Variants in RNF216 observed in about 807,000 individuals in gnomAD.
RNF216 encodes the protein ring finger protein 216.
Under a neutral mutation model 110.8 loss-of-function variants are expected in RNF216, and 72 were observed. The ratio of observed to expected loss-of-function variants is 0.65; its 90% confidence interval spans 0.54 to 0.79. The LOEUF (loss-of-function observed/expected upper bound fraction) is 0.79. Ranked by LOEUF, RNF216 falls within the 30% of genes least tolerant of loss-of-function variation. The pLI is 0.00. For missense variants in RNF216, 1,342 were observed against 1,141.2 expected (o/e 1.18, Z -2.54); for synonymous variants, 495 against 407.5 (o/e 1.21, Z -2.59).
chr7:5,649,067 C>T (rs761324294), intron 14 of RNF216, among the ~76,000 whole-genome samples: 4 of 152,160 alleles, frequency 2.6e-5, no homozygotes, highest in Non-Finnish European at 5.9e-5. Flanking sequence ...CTTGAAAACA[C>T]TATAGCAGTT....
chr7:5,725,538 C>T lies in RNF216; in HGVS notation c.1390-100G>A, dbSNP rs886795191. ...GCCATTTTAACACAGTTTCAGCTGTCTACCCAGCATGGCTAACAATTGGTA... is the reference window on the plus strand; with the variant it reads ...GCCATTTTAACACAGTTTCAGCTGTTTACCCAGCATGGCTAACAATTGGTA... On this transcript the variant is annotated intron_variant, in intron 7 of 16. Coordinates refer to ENST00000389902, the MANE Select transcript of RNF216 (RefSeq NM_207111.4). The T allele has an allele frequency of 4.4e-5, 32 of 733,306 alleles. No homozygotes were observed. The African/African-American group carries it at 5.1e-4, about 12-fold the overall frequency. The allele number at this position is 733,306 out of a possible 1,614,324, so 45.4% of individuals were successfully genotyped here. A position where few individuals can be genotyped will look rare whatever the true frequency, so the allele number is the denominator to read the frequency against.
At chr7:5,767,602 AT>A (rs10709023) in intron 1 of RNF216, among the ~76,000 whole-genome samples, 73,241 of 143,620 alleles carry the variant, frequency 0.51, 18,594 homozygotes, top group Admixed American at 0.58. Flanking sequence ...GTTGAGAGGG[AT>A]TTTTTTTTTT....
chr7:5,697,719 T>C (rs1467830556), intron 13 of RNF216, among the ~76,000 whole-genome samples: 1 of 152,070 alleles, frequency 6.6e-6, no homozygotes, highest in East Asian at 1.9e-4. Context: ...CAATTTGAGG[T>C]GCTTAGGATG....
chr7:5,660,446 C>T (rs2128584609), intron 13 of RNF216, among the ~76,000 whole-genome samples: 1 of 151,402 alleles, frequency 6.6e-6, no homozygotes, highest in Middle Eastern at 3.4e-3. Flanking sequence ...CGCCCGCGAC[C>T]ACACCTGGCT....
intron 13 of RNF216, among the ~76,000 whole-genome samples, chr7:5,694,223 T>C (rs1791496693): frequency 6.6e-6 from 1 of 152,240 alleles, no homozygotes; most frequent in Non-Finnish European, 1.5e-5. Context: ...AATTTCTTTA[T>C]TTGCTGGAAC....
At chr7:5,753,395 AT>A (rs1438942315) in intron 2 of RNF216, among the ~76,000 whole-genome samples, 4 of 152,168 alleles carry the variant, frequency 2.6e-5, no homozygotes, top group Non-Finnish European at 4.4e-5. Context: ...TAAAATTTTA[AT>A]TGTTTAAAAT....
chr7:5,716,360 A>C (rs925132975), intron 10 of RNF216, among the ~76,000 whole-genome samples: 7 of 152,112 alleles, frequency 4.6e-5, no homozygotes, highest in Non-Finnish European at 1.5e-5. Flanking sequence ...AAATACAAAA[A>C]TTAGCTGGGC....
rs532360862 is a variant in RNF216, at chr7:5,768,694, C to T, written c.-69-7556G>A. Among the ~76,000 whole-genome samples, 27 of 147,020 alleles carry T rather than the reference C, an allele frequency of 1.8e-4. No individual in the cohort carries two copies. In the Admixed American group the frequency reaches 1.9e-3, roughly 10 times the overall value. ...TTTTTTTTTTTGGGACAGAGTCTTG[C>T]TCTGTCGCCCAGGCTGGAGTGCAGT... On this transcript the variant is annotated intron_variant, in intron 1 of 16. Transcript: ENST00000389902.
intron 1 of RNF216, among the ~76,000 whole-genome samples, chr7:5,774,210 G>A (rs1167953793): frequency 6.6e-6 from 1 of 152,188 alleles, no homozygotes; most frequent in Non-Finnish European, 1.5e-5. Flanking sequence ...TCAATCGGTG[G>A]CTCCAGATAA....
At chr7:5,701,210 G>T (rs992648425) in intron 13 of RNF216, among the ~76,000 whole-genome samples, 1 of 152,156 alleles carries the variant, frequency 6.6e-6, no homozygotes, top group African/African-American at 2.4e-5. Context: ...CTTATAGAAT[G>T]TATCAGTTAG....
At chr7:5,727,397 C>A (rs924123476) in intron 7 of RNF216, among the ~76,000 whole-genome samples, 6 of 152,142 alleles carry the variant, frequency 3.9e-5, no homozygotes, top group Non-Finnish European at 7.3e-5. Context: ...GTCTATAAGT[C>A]TACCATCTAC....
rs1030513707 is a variant in RNF216 at position 5,620,849 on chromosome 7, C to T, written c.*2011G>A. 6.6e-6 allele frequency: 1 copy of T among 152,242 alleles called. No homozygotes were observed. The highest frequency in any genetic ancestry group is 1.5e-5 in the Non-Finnish European group (1 of 68,076). The allele number at this position is 152,242 out of a possible 1,614,324, so 9.4% of individuals were successfully genotyped here. On this transcript the variant is annotated 3_prime_UTR_variant, in exon 17 of 17. Transcript: ENST00000389902. Reference sequence around the variant, plus strand: ...TACAGGGCAGAGGGAGCTGAGGCTCCCAGGGCCTGAGGTCACCTCTTCAGC... The same window carrying T: ...TACAGGGCAGAGGGAGCTGAGGCTCTCAGGGCCTGAGGTCACCTCTTCAGC...
rs546535548 is a variant in RNF216 at position 5,729,672 on chromosome 7, A to G, written c.1225-76T>C. On this transcript the variant is annotated intron_variant, in intron 6 of 16. Coordinates refer to ENST00000389902, the MANE Select transcript of RNF216 (RefSeq NM_207111.4). The stretch of plus-strand genomic sequence containing the variant: ...TACAGGGGAAATCATTTTAAGAATT[A>G]CATGTGTAGAAAAGAATAACATTTG... 1.4e-4 allele frequency: 165 copies of G among 1,204,890 alleles called. 3 individuals are homozygous for G. In the South Asian group the frequency reaches 2.0e-3, roughly 14 times the overall value. The allele number at this position is 1,204,890 out of a possible 1,614,324, so 74.6% of individuals were successfully genotyped here.
chr7:5,642,269 G>C (rs531639733), intron 14 of RNF216, among the ~76,000 whole-genome samples: 2 of 150,972 alleles, frequency 1.3e-5, no homozygotes, highest in South Asian at 4.2e-4. Flanking sequence ...CTGGGGCACA[G>C]TGGCTCCATC....
At chr7:5,772,772 T>C (rs1796563499) in intron 1 of RNF216, among the ~76,000 whole-genome samples, 1 of 149,526 alleles carries the variant, frequency 6.7e-6, no homozygotes, top group East Asian at 1.9e-4. Context: ...AAAAAAGATA[T>C]TCCTTTTTTT....
chr7:5,724,887 A>T (rs995235815), intron 8 of RNF216, among the ~76,000 whole-genome samples: 6 of 152,244 alleles, frequency 3.9e-5, no homozygotes, highest in African/African-American at 1.4e-4. Flanking sequence ...TTCATCAATA[A>T]GAATGACAGA....
chr7:5,640,862 T>C (rs1787692874), intron 15 of RNF216, among the ~76,000 whole-genome samples: 1 of 152,260 alleles, frequency 6.6e-6, no homozygotes, highest in African/African-American at 2.4e-5. Context: ...TTTGAACAGA[T>C]ACATGTGTAA....
chr7:5,775,678 T>A (rs1376340085), intron 1 of RNF216, among the ~76,000 whole-genome samples: 1 of 152,074 alleles, frequency 6.6e-6, no homozygotes, highest in Non-Finnish European at 1.5e-5. Flanking sequence ...AAGACCAGCC[T>A]GGCCAACACG....
rs1049530249 is a variant in RNF216 at position 5,624,920 on chromosome 7, G to A, written c.2383-795C>T. ...AGCAGACACCATGGTGGGAGGACCG[G>A]GCTGCTGCCTCAGGACAGACCACCC... On this transcript the variant is annotated intron_variant, in intron 15 of 16. Coordinates refer to ENST00000389902, the MANE Select transcript of RNF216 (RefSeq NM_207111.4). This position sits in a 1 kb window ranked among gnomAD's most constrained non-coding sequence, Gnocchi z 4.4. Among the ~76,000 whole-genome samples, 3 of 152,200 alleles carry A rather than the reference G, an allele frequency of 2.0e-5. No homozygotes were observed. Among genetic ancestry groups the A allele is most frequent in the Non-Finnish European group, 2.9e-5 (2 of 68,026 alleles).
Sources: allele counts gnomAD v4.1 joint callset (sites outside exome capture counted in the v4.1 genomes callset), GRCh38; gene constraint gnomAD v4.1.1; non-coding constraint Gnocchi (gnomAD v3.1); transcripts MANE v1.5; gene names NCBI Gene and HGNC (gene_info 2026-07-23, HGNC 2026-07-21).